Variants in GPR158 observed in about 807,000 individuals in gnomAD.
GPR158 encodes G protein-coupled receptor 158, also known as metabotropic glycine receptor.
Under a neutral mutation model 78.2 loss-of-function variants are expected in GPR158, and 30 were observed. That is an observed-to-expected ratio of 0.38 (90% confidence interval 0.29 to 0.52). GPR158 has a LOEUF of 0.52. GPR158 is among the 20% of genes least tolerant of loss of function. The pLI is 0.83. For missense variants in GPR158, 1,463 were observed against 1,523.5 expected (o/e 0.96, Z 0.66); for synonymous variants, 581 against 591.1 (o/e 0.98, Z 0.25).
chr10:25,390,034 C>A (rs1225852588), intron 2 of GPR158, among the ~76,000 whole-genome samples: 1 of 152,156 alleles, frequency 6.6e-6, no homozygotes, highest in Non-Finnish European at 1.5e-5. Flanking sequence ...AGTTCCTCTT[C>A]GCATGCTCTC....
At chr10:25,533,055 G>C (rs1211247975) in intron 5 of GPR158, among the ~76,000 whole-genome samples, 1 of 152,176 alleles carries the variant, frequency 6.6e-6, no homozygotes, top group Non-Finnish European at 1.5e-5. Context: ...CCTACTAGTG[G>C]AGAATGTTTT....
At chr10:25,412,120 A>C (rs1382170709) in intron 3 of GPR158, 130 bp from the exon 4 acceptor site, 2 of 678,922 alleles carry the variant, frequency 2.9e-6, no homozygotes, top group Non-Finnish European at 5.3e-6. Flanking sequence ...TCCCCTAGCA[A>C]GAGGGTTGAC....
At chr10:25,311,693 G>A (rs889079632) in intron 2 of GPR158, among the ~76,000 whole-genome samples, 1 of 151,812 alleles carries the variant, frequency 6.6e-6, no homozygotes, top group Non-Finnish European at 1.5e-5. Flanking sequence ...AAATATTTTT[G>A]AGTGCCCCAA....
intron 4 of GPR158, among the ~76,000 whole-genome samples, chr10:25,456,616 A>T (rs893613068): frequency 6.6e-6 from 1 of 152,204 alleles, no homozygotes. Context: ...TGACATTTCA[A>T]ATTTTTAAAA....
In GPR158 at chr10:25,570,033, G is replaced by T. The variant is rs1279887177; in HGVS notation, c.1515-2616G>T. Among the ~76,000 whole-genome samples the T allele has an allele frequency of 2.0e-5, 3 of 152,166 alleles. No homozygotes were observed. The East Asian group carries it at 5.8e-4, about 29-fold the overall frequency. On this transcript the variant is annotated intron_variant, in intron 6 of 10. Coordinates refer to ENST00000376351, the MANE Select transcript of GPR158 (RefSeq NM_020752.3). ...TTGCCAAACTATGGAAGAAAAGTGG[G>T]TCAGGTTCTCTCTGGAGAATGTAGT...
intron 1 of GPR158, among the ~76,000 whole-genome samples, chr10:25,208,996 G>A (rs533386168): frequency 3.3e-5 from 5 of 151,610 alleles, no homozygotes; most frequent in Non-Finnish European, 7.4e-5. Flanking sequence ...CTACAGGTGC[G>A]TGCCACCACA....
At chr10:25,311,829 T>TG (rs58580496) in intron 2 of GPR158, among the ~76,000 whole-genome samples, 1 of 100,944 alleles carries the variant, frequency 9.9e-6, no homozygotes, top group Non-Finnish European at 1.8e-5. Flanking sequence ...CAGTTAAGAA[T>TG]TTTTTTAACT....
intron 2 of GPR158, among the ~76,000 whole-genome samples, chr10:25,371,420 A>G (rs1833990726): frequency 6.6e-6 from 1 of 151,898 alleles, no homozygotes; most frequent in Non-Finnish European, 1.5e-5. Flanking sequence ...CCAAAAGAAC[A>G]AAGCTGGAGG....
chr10:25,294,904 A>G (rs1188600646), intron 2 of GPR158, among the ~76,000 whole-genome samples: 1 of 152,254 alleles, frequency 6.6e-6, no homozygotes. Flanking sequence ...TAAATCATCT[A>G]GGTGTATGGA....
At chr10:25,277,056 C>A (rs941068213) in intron 2 of GPR158, among the ~76,000 whole-genome samples, 3 of 151,656 alleles carry the variant, frequency 2.0e-5, no homozygotes, top group African/African-American at 4.8e-5. Context: ...CTCAAGGAAT[C>A]CTCCTGCCTC....
At chr10:25,491,152 T>G (rs1287192417) in intron 5 of GPR158, among the ~76,000 whole-genome samples, 1 of 152,184 alleles carries the variant, frequency 6.6e-6, no homozygotes, top group Non-Finnish European at 1.5e-5. Flanking sequence ...TATCAAAAAT[T>G]ATCACATCAA....
chr10:25,491,446 T>G (rs1362256201), intron 5 of GPR158, among the ~76,000 whole-genome samples: 1 of 152,210 alleles, frequency 6.6e-6, no homozygotes, highest in African/African-American at 2.4e-5. Context: ...TAAAAAAGAA[T>G]GAAGTATAAG....
At chr10:25,445,974 C>A (rs1835133903) in intron 4 of GPR158, among the ~76,000 whole-genome samples, 1 of 152,070 alleles carries the variant, frequency 6.6e-6, no homozygotes, top group Non-Finnish European at 1.5e-5. Context: ...GAAGAGAGAT[C>A]AGAACCAGAG....
At chr10:25,309,227 G>T (rs931989703) in intron 2 of GPR158, among the ~76,000 whole-genome samples, 9 of 152,040 alleles carry the variant, frequency 5.9e-5, no homozygotes, top group African/African-American at 2.2e-4. Flanking sequence ...GTGTGTGTGT[G>T]TGTGTGTTTT....
At chr10:25,373,009 T>C (rs986439614) in intron 2 of GPR158, among the ~76,000 whole-genome samples, 2 of 151,938 alleles carry the variant, frequency 1.3e-5, no homozygotes, top group Non-Finnish European at 2.9e-5. Context: ...CCTATGTTCA[T>C]TGCAGCACTA....
At chr10:25,429,708 A>T (rs1834872248) in intron 4 of GPR158, among the ~76,000 whole-genome samples, 1 of 149,790 alleles carries the variant, frequency 6.7e-6, no homozygotes. Flanking sequence ...GGTTCAATAT[A>T]TGCAAATCAA....
chr10:25,430,569 A>T (rs1834887454), intron 4 of GPR158, among the ~76,000 whole-genome samples: 1 of 151,058 alleles, frequency 6.6e-6, no homozygotes, highest in East Asian at 1.9e-4. Flanking sequence ...TCCTAAGCCA[A>T]AAGAACAAAG....
intron 2 of GPR158, among the ~76,000 whole-genome samples, chr10:25,338,510 G>GTA (rs972265308): frequency 2.6e-5 from 3 of 113,656 alleles, no homozygotes; most frequent in Non-Finnish European, 5.9e-5. Context: ...TATATATTAC[G>GTA]TATAATATAC....
chr10:25,282,193 C>T (rs886734815), intron 2 of GPR158, among the ~76,000 whole-genome samples: 1 of 151,376 alleles, frequency 6.6e-6, no homozygotes, highest in African/African-American at 2.5e-5. Context: ...TAAAGTGTTG[C>T]ATTTTCCAGA....
Sources: gnomAD v4.1 joint callset for allele counts (sites outside exome capture counted in the v4.1 genomes callset) on GRCh38, gnomAD v4.1.1 for gene constraint, MANE v1.5 for transcripts, NCBI Gene and HGNC (gene_info 2026-07-23, HGNC 2026-07-21) for gene names.